The following PRKN variants were observed in gnomAD, a reference collection of about 807,000 sequenced individuals.
PRKN encodes the protein E3 ubiquitin-protein ligase parkin.
In PRKN, 56 loss-of-function variants were observed where a neutral mutation model predicts 59.5. The observed-to-expected ratio is 0.94, with a 90% confidence interval of 0.76 to 1.18. PRKN has a LOEUF of 1.18. PRKN is among the 50% of genes most tolerant of loss of function. PRKN has a pLI of 0.00. For synonymous variants in PRKN, 250 were observed against 222.1 expected, an observed-to-expected ratio of 1.13 and a Z score of -1.12; for missense variants, 657 against 596.4, an observed-to-expected ratio of 1.10 and a Z score of -1.06.
chr6:162,319,417 G>T (rs1376820464), intron 2 of PRKN, among the ~76,000 whole-genome samples: 1 of 151,944 alleles, frequency 6.6e-6, no homozygotes, highest in African/African-American at 2.4e-5. Context: ...GTTGATTAAA[G>T]ATGAACCACT....
chr6:162,030,887 T>C (rs1783609962), intron 5 of PRKN, among the ~76,000 whole-genome samples: 1 of 152,196 alleles, frequency 6.6e-6, no homozygotes, highest in South Asian at 2.1e-4. Flanking sequence ...ATACTGTTCC[T>C]GATCATTACC....
At chr6:161,434,560 T>C (rs535600205) in intron 9 of PRKN, among the ~76,000 whole-genome samples, 9 of 152,312 alleles carry the variant, frequency 5.9e-5, no homozygotes, top group South Asian at 4.1e-4. Context: ...CACAAGACTA[T>C]AATGCAGACC....
At chr6:162,219,538 G>A (rs187851856) in intron 3 of PRKN, among the ~76,000 whole-genome samples, 52 of 151,622 alleles carry the variant, frequency 3.4e-4, no homozygotes, top group Non-Finnish European at 4.9e-4. Flanking sequence ...GCAACACTAC[G>A]TAGAAAATGC....
At chr6:161,743,962 G>A (rs1788307241) in intron 7 of PRKN, among the ~76,000 whole-genome samples, 1 of 152,096 alleles carries the variant, frequency 6.6e-6, no homozygotes, top group Non-Finnish European at 1.5e-5. Flanking sequence ...GTTCCACGGA[G>A]CCCTGGGGTT....
chr6:162,145,933 A>C (rs1476333648), intron 4 of PRKN, among the ~76,000 whole-genome samples: 1 of 152,222 alleles, frequency 6.6e-6, no homozygotes, highest in African/African-American at 2.4e-5. Context: ...AGACAGCACC[A>C]ATCAGAGGCT....
At chr6:162,299,148 G>A (rs1781825471) in intron 2 of PRKN, among the ~76,000 whole-genome samples, 1 of 152,208 alleles carries the variant, frequency 6.6e-6, no homozygotes, top group Admixed American at 6.5e-5. Context: ...CATCTCAGAT[G>A]CCAACCTTAA....
chr6:162,459,700 A>G (rs1322193747), intron 1 of PRKN, among the ~76,000 whole-genome samples: 1 of 152,218 alleles, frequency 6.6e-6, no homozygotes, highest in South Asian at 2.1e-4. Flanking sequence ...GTCTGACTAC[A>G]TGTAAAATTC....
At position 161,823,101 on chromosome 6, in the gene PRKN, ATTTTTTTT is replaced by A. The variant is rs543383314; in HGVS notation, c.735-37201_735-37194del. On this transcript the variant is annotated intron_variant, in intron 6 of 11. Transcript: ENST00000366898. The stretch of plus-strand genomic sequence containing the variant: ...AAGCACATGCTACTATGCCAGGCTA[ATTTTTTTT>A]TTTTTTTTTTAGAGATGGGGTCTTT... 3.3e-3 allele frequency among the ~76,000 whole-genome samples: 464 copies of A among 138,888 alleles called. 2 individuals carry two copies. Among genetic ancestry groups the A allele is most frequent in the African/African-American group, 0.012 (440 of 37,682 alleles). The allele number at this position is 138,888 out of a possible 152,430, so 91.1% of individuals were successfully genotyped here.
intron 1 of PRKN, among the ~76,000 whole-genome samples, chr6:162,625,334 G>C (rs1027261205): frequency 1.3e-5 from 2 of 152,196 alleles, no homozygotes; most frequent in Non-Finnish European, 2.9e-5. Flanking sequence ...AGTGAGGACT[G>C]ATGTCTATCT....
intron 6 of PRKN, among the ~76,000 whole-genome samples, chr6:161,858,476 C>CCACTAGGCTTGGAGAAG (rs1793746497): frequency 6.6e-6 from 1 of 152,186 alleles, no homozygotes; most frequent in African/African-American, 2.4e-5. Flanking sequence ...ACTGGACCTG[C>CCACTAGGCTTGGAGAAG]CACTAGGCTT....
Position 162,443,325 on chromosome 6 carries a change from A to G in PRKN, c.156T>C (p.Asn52=), listed in dbSNP as rs1292308780. 6.2e-7 allele frequency: 1 copy of G among 1,612,512 alleles called. No individual in the cohort carries two copies. The highest frequency in any genetic ancestry group is 8.5e-7 in the Non-Finnish European group (1 of 1,180,022). ...GGAGACTCACCTGCACAGTCCAGTC[A>G]TTCCTCAGCTCCTTCCCTGCGAAAA... The part of the protein sequence containing the change: ...RVIFAGKELR[N]DWTVQNCDLD... The change falls in exon 2 of 12, where the codon AAT becomes AAC. Residue 52 remains asparagine (N), a synonymous_variant. Transcript: ENST00000366898.
intron 2 of PRKN, among the ~76,000 whole-genome samples, chr6:162,352,865 T>C (rs1456795551): frequency 1.3e-5 from 2 of 152,166 alleles, no homozygotes; most frequent in East Asian, 3.9e-4. Flanking sequence ...CAAATTTACA[T>C]GGCACCTATA....
chr6:162,505,664 G>A (rs1475063090), intron 1 of PRKN, among the ~76,000 whole-genome samples: 1 of 152,100 alleles, frequency 6.6e-6, no homozygotes, highest in Non-Finnish European at 1.5e-5. Context: ...AGTAATATAT[G>A]GACAGAAAGG....
At chr6:162,018,531 T>G (rs1783015813) in intron 5 of PRKN, among the ~76,000 whole-genome samples, 1 of 152,190 alleles carries the variant, frequency 6.6e-6, no homozygotes. Context: ...TTTCAGTCTT[T>G]TATGGTAATA....
intron 1 of PRKN, among the ~76,000 whole-genome samples, chr6:162,461,283 C>G (rs1254174875): frequency 7.2e-6 from 1 of 139,404 alleles, no homozygotes; most frequent in Admixed American, 7.5e-5. Flanking sequence ...GGGAGGATCA[C>G]TTGAGGTCAG....
chr6:161,670,039 C>T (rs141625140), intron 7 of PRKN, among the ~76,000 whole-genome samples: 1 of 152,328 alleles, frequency 6.6e-6, no homozygotes, highest in East Asian at 1.9e-4. Context: ...TTAGAGATGA[C>T]TGAAGATCTG....
intron 1 of PRKN, among the ~76,000 whole-genome samples, chr6:162,635,257 G>C (rs1308614268): frequency 6.6e-6 from 1 of 152,140 alleles, no homozygotes. Flanking sequence ...TTCTGAGCTA[G>C]GCATTCAATT....
At chr6:162,639,356 T>C (rs976725170) in intron 1 of PRKN, among the ~76,000 whole-genome samples, 5 of 152,158 alleles carry the variant, frequency 3.3e-5, no homozygotes, top group African/African-American at 1.2e-4. Flanking sequence ...AAAGATCTTA[T>C]ACACTTAGTA....
intron 1 of PRKN, among the ~76,000 whole-genome samples, chr6:162,486,796 G>A (rs1448059924): frequency 2.0e-5 from 3 of 152,086 alleles, no homozygotes; most frequent in Non-Finnish European, 4.4e-5. Context: ...TTGGCCAGGC[G>A]TGGTGGCTCA....
Sources: allele counts gnomAD v4.1 joint callset (sites outside exome capture counted in the v4.1 genomes callset), GRCh38; gene constraint gnomAD v4.1.1; transcripts MANE v1.5; gene names NCBI Gene and HGNC (gene_info 2026-07-23, HGNC 2026-07-21).